SNX2: variants seen among roughly 807,000 people sequenced by gnomAD.
SNX2 encodes the protein sorting nexin-2.
Under a neutral mutation model 69.9 loss-of-function variants are expected in SNX2, and 25 were observed. The ratio of observed to expected loss-of-function variants is 0.36; its 90% confidence interval spans 0.26 to 0.50. The LOEUF (loss-of-function observed/expected upper bound fraction) is 0.50, where lower values mean the gene tolerates loss of function less well. Among genes scored for constraint, SNX2 ranks in the 20% least tolerant of loss-of-function variants. The pLI, the probability that SNX2 is intolerant of heterozygous loss-of-function variation, is 0.97. For synonymous variants in SNX2, 229 were observed against 200.4 expected (o/e 1.14, Z -1.20); for missense variants, 551 against 613.3 (o/e 0.90, Z 1.07).
rs969119714 is a variant in SNX2 at position 122,833,889 on chromosome 5, T to G, written c.*4241T>G. On this transcript the variant is annotated 3_prime_UTR_variant, in exon 15 of 15. Coordinates refer to ENST00000379516, the MANE Select transcript of SNX2 (RefSeq NM_003100.4). ...TACTCTCAAGGGCAGGTATAATTTA[T>G]GTGCAAGACTTTGTAGCATAATGTT... 6.6e-6 allele frequency: 1 copy of G among 152,222 alleles called. No homozygotes were observed. Among genetic ancestry groups the G allele is most frequent in the Non-Finnish European group, 1.5e-5 (1 of 68,028 alleles). 9.4% of individuals were successfully genotyped at this position (152,222 alleles called of 1,614,324 possible). A position where few individuals can be genotyped will look rare whatever the true frequency, so the allele number is the denominator to read the frequency against.
intron 11 of SNX2, among the ~76,000 whole-genome samples, chr5:122,825,270 A>T (rs1754127280): frequency 6.6e-6 from 1 of 152,090 alleles, no homozygotes; most frequent in South Asian, 2.1e-4. Flanking sequence ...ATCAAGCCAG[A>T]AAGAGGATTC....
At chr5:122,790,454 C>A (rs866292936) in intron 1 of SNX2, among the ~76,000 whole-genome samples, 7 of 152,078 alleles carry the variant, frequency 4.6e-5, no homozygotes, top group South Asian at 4.1e-4. Context: ...ACTCTCATGG[C>A]CATTAAGAGG....
rs1754309067 is a variant in SNX2, at chr5:122,832,284, C to G, written c.*2636C>G. On this transcript the variant is annotated 3_prime_UTR_variant, in exon 15 of 15. Coordinates refer to ENST00000379516, the MANE Select transcript of SNX2 (RefSeq NM_003100.4). Reference sequence around the variant, plus strand: ...ATCTATAAAACAAGTACATAAAAGTCTTGATTCCTGAAGTGCCTTTCTACT... The same window carrying G: ...ATCTATAAAACAAGTACATAAAAGTGTTGATTCCTGAAGTGCCTTTCTACT... 6.6e-6 allele frequency: 1 copy of G among 152,120 alleles called. No homozygotes were observed. Among genetic ancestry groups the G allele is most frequent in the Non-Finnish European group, 1.5e-5 (1 of 68,004 alleles). The allele number at this position is 152,120 out of a possible 1,614,324, so 9.4% of individuals were successfully genotyped here. A position where few individuals can be genotyped will look rare whatever the true frequency, so the allele number is the denominator to read the frequency against.
intron 7 of SNX2, among the ~76,000 whole-genome samples, chr5:122,811,122 C>T (rs748543888): frequency 2.0e-5 from 3 of 152,106 alleles, no homozygotes; most frequent in African/African-American, 4.8e-5. Context: ...CATTTTTCTT[C>T]GTATTATTTT....
In SNX2 at chr5:122,829,773, TATACACACACAC is replaced by T; in HGVS notation, c.*127_*138del. On this transcript the variant is annotated 3_prime_UTR_variant, in exon 15 of 15. Coordinates refer to ENST00000379516, the MANE Select transcript of SNX2 (RefSeq NM_003100.4). ...ATTTTATGAATTACATGTGGTTTTA[TATACACACACAC>T]ACACACACACACACACACACACACA... 1.6e-6 allele frequency: 1 copy of T among 608,832 alleles called. No homozygotes were observed. The highest frequency in any genetic ancestry group is 2.8e-5 in the Admixed American group (1 of 36,128). 37.7% of individuals were successfully genotyped at this position (608,832 alleles called of 1,614,324 possible).
intron 1 of SNX2, among the ~76,000 whole-genome samples, chr5:122,785,482 G>A (rs1753065273): frequency 1.5e-5 from 2 of 132,756 alleles, no homozygotes; most frequent in African/African-American, 6.0e-5. Context: ...TAGAAGCTTG[G>A]ATCATTGATT....
intron 11 of SNX2, among the ~76,000 whole-genome samples, chr5:122,823,348 ATTAAT>A (rs1754067194): frequency 1.2e-5 from 1 of 85,482 alleles, no homozygotes; most frequent in Non-Finnish European, 2.1e-5. Context: ...TATATTTAAG[ATTAAT>A]TTTTTTTTCC....
intron 1 of SNX2, among the ~76,000 whole-genome samples, chr5:122,789,414 G>A (rs182506605): frequency 2.0e-5 from 3 of 148,208 alleles, no homozygotes; most frequent in East Asian, 4.0e-4. Context: ...TTACAAGACC[G>A]CCCCACCTTC....
At chr5:122,778,940 GA>G in intron 1 of SNX2, among the ~76,000 whole-genome samples, 1 of 152,140 alleles carries the variant, frequency 6.6e-6, no homozygotes, top group Admixed American at 6.5e-5. Context: ...AATGAGAAGG[GA>G]AAAAAATCTG....
intron 1 of SNX2, chr5:122,775,690 T>G (rs1358685113): frequency 3.0e-6 from 3 of 985,960 alleles, no homozygotes; most frequent in Non-Finnish European, 3.6e-6. Flanking sequence ...TGGGTGCACT[T>G]TCCCAGGAAT....
intron 1 of SNX2, among the ~76,000 whole-genome samples, chr5:122,792,481 C>T (rs956132039): frequency 1.1e-4 from 16 of 151,904 alleles, no homozygotes; most frequent in African/African-American, 2.7e-4. Context: ...CCTGTGGTCC[C>T]GGCTACTTGG....
rs527872811 is a variant in SNX2 at position 122,794,744 on chromosome 5, A to G, written c.109-522A>G. 1.5e-3 allele frequency among the ~76,000 whole-genome samples: 234 copies of G among 152,232 alleles called. 2 individuals are homozygous for G. The highest frequency in any genetic ancestry group is 5.3e-3 in the African/African-American group (219 of 41,548). ...GATGACTAGAAAAGGTTTTCTGGCCAGGGGTGTTGGCACACACCTGTAATC... is the reference window on the plus strand; with the variant it reads ...GATGACTAGAAAAGGTTTTCTGGCCGGGGGTGTTGGCACACACCTGTAATC... On this transcript the variant is annotated intron_variant, in intron 1 of 14. Coordinates refer to ENST00000379516, the MANE Select transcript of SNX2 (RefSeq NM_003100.4).
At chr5:122,814,945 T>G (rs1224002282) in intron 7 of SNX2, among the ~76,000 whole-genome samples, 2 of 151,940 alleles carry the variant, frequency 1.3e-5, no homozygotes, top group Non-Finnish European at 2.9e-5. Flanking sequence ...GAGATGGGGT[T>G]TCACCATCTT....
chr5:122,801,376 G>A (rs1223601050), intron 3 of SNX2, among the ~76,000 whole-genome samples: 1 of 152,102 alleles, frequency 6.6e-6, no homozygotes, highest in Non-Finnish European at 1.5e-5. Context: ...AGACCGAGGT[G>A]GGCAGATCAC....
intron 1 of SNX2, among the ~76,000 whole-genome samples, chr5:122,784,182 G>A (rs116510342): frequency 0.021 from 3,176 of 150,446 alleles, 101 homozygotes; most frequent in African/African-American, 0.073. Flanking sequence ...TGTGATTGGA[G>A]TTTTATTTCC....
rs781302550 is a variant in SNX2, at chr5:122,795,248, A to G, written c.109-18A>G. ...TAAACATGCCAATCCATTACCTATT[A>G]TTGTTCTTTTTTAACAGTCAAGTCC... is the stretch of plus-strand genomic sequence containing the variant. On this transcript the variant is annotated intron_variant, in intron 1 of 14. Coordinates refer to ENST00000379516, the MANE Select transcript of SNX2 (RefSeq NM_003100.4). 2 of 1,510,726 alleles carry G rather than the reference A, an allele frequency of 1.3e-6. No homozygotes were observed. The highest frequency in any genetic ancestry group is 1.8e-6 in the Non-Finnish European group (2 of 1,086,490). The allele number at this position is 1,510,726 out of a possible 1,614,324, so 93.6% of individuals were successfully genotyped here.
At chr5:122,826,566 A>G (rs1754156435) in intron 12 of SNX2, 1 of 537,012 alleles carries the variant, frequency 1.9e-6, no homozygotes, top group Admixed American at 6.4e-5. Context: ...TATATGTATT[A>G]TATATGGTAT....
intron 3 of SNX2, among the ~76,000 whole-genome samples, chr5:122,801,069 A>G (rs1753497382): frequency 6.6e-6 from 1 of 152,182 alleles, no homozygotes; most frequent in African/African-American, 2.4e-5. Flanking sequence ...TCTTGATACT[A>G]AAGTTGCTTT....
At position 122,826,209 on chromosome 5, in the gene SNX2, T is replaced by A. The variant is rs913666719; in HGVS notation, c.1356+16T>A. The A allele has an allele frequency of 1.3e-6, 2 of 1,596,522 alleles. No individual in the cohort carries two copies. Among genetic ancestry groups the A allele is most frequent in the South Asian group, 2.3e-5 (2 of 88,784 alleles). Reference sequence around the variant, plus strand: ...AATAAGAGAGGTGATTACTAAATGCTTTAATCTCTTTACTTAAGTTTTGCA... The same window carrying A: ...AATAAGAGAGGTGATTACTAAATGCATTAATCTCTTTACTTAAGTTTTGCA... On this transcript the variant is annotated intron_variant, in intron 12 of 14. Coordinates refer to ENST00000379516, the MANE Select transcript of SNX2 (RefSeq NM_003100.4).
Sources: gnomAD v4.1 joint callset for allele counts (sites outside exome capture counted in the v4.1 genomes callset) on GRCh38, gnomAD v4.1.1 for gene constraint, MANE v1.5 for transcripts, NCBI Gene and HGNC (gene_info 2026-07-23, HGNC 2026-07-21) for gene names.